ZNF197: variants seen among roughly 807,000 people sequenced by gnomAD.
ZNF197 encodes the protein VHL-associated KRAB-A domain-containing protein.
In ZNF197, 14 loss-of-function variants were observed where a neutral mutation model predicts 27.4. The observed-to-expected ratio is 0.51, with a 90% CI of 0.34 to 0.80. The LOEUF is 0.80. ZNF197 is among the 30% of genes least tolerant of loss of function. ZNF197 has a pLI of 0.02. For missense variants in ZNF197, 1,090 were observed against 1,222.6 expected (o/e 0.89, Z 1.62); for synonymous variants, 415 against 420.0 (o/e 0.99, Z 0.15).
Position 44,644,224 on chromosome 3 carries a change from C to G in ZNF197, c.*4C>G, listed in dbSNP as rs1559477081. The stretch of plus-strand genomic sequence containing the variant: ...GATTGAGATTCAGAAAATCTAGTGT[C>G]ATATGTAAAATGGAATAGAATCCCT... On this transcript the variant is annotated 3_prime_UTR_variant, in exon 6 of 6. Transcript: ENST00000344387. The G allele has an allele frequency of 6.3e-7, 1 of 1,575,474 alleles. No homozygotes were observed. Among genetic ancestry groups the G allele is most frequent in the Non-Finnish European group, 8.6e-7 (1 of 1,164,586 alleles).
At chr3:44,636,031 A>G (rs1311208734) in intron 5 of ZNF197, among the ~76,000 whole-genome samples, 2 of 152,204 alleles carry the variant, frequency 1.3e-5, no homozygotes, top group Non-Finnish European at 2.9e-5. Context: ...TTCGGCCGGC[A>G]TGGTGGCTCA....
At position 44,642,594 on chromosome 3, in the gene ZNF197, G is replaced by T. The variant is rs1197667335; in HGVS notation, c.1464G>T (p.Gly488=). Residue 488 remains glycine, a synonymous_variant, in exon 6 of 6, where the codon GGG becomes GGT. Coordinates refer to ENST00000344387, the MANE Select transcript of ZNF197 (RefSeq NM_006991.5). Reference sequence around the variant, plus strand: ...GACCTTATAAGTGTAATGAATGTGGGAAAGTCTTCTCTCAGAATGCTTACC... The same window carrying T: ...GACCTTATAAGTGTAATGAATGTGGTAAAGTCTTCTCTCAGAATGCTTACC... ...GERPYKCNEC[G]KVFSQNAYLI... is the part of the protein sequence containing the mutation. 6.2e-7 allele frequency: 1 copy of T among 1,614,088 alleles called. No homozygotes were observed. The highest frequency in any genetic ancestry group is 8.5e-7 in the Non-Finnish European group (1 of 1,180,006).
At chr3:44,639,807 G>A (rs1455560206) in intron 5 of ZNF197, among the ~76,000 whole-genome samples, 1 of 151,808 alleles carries the variant, frequency 6.6e-6, no homozygotes, top group Non-Finnish European at 1.5e-5. Flanking sequence ...GACATGTTTG[G>A]GCAGCTGCAT....
At chr3:44,636,127 ACCC>A in intron 5 of ZNF197, among the ~76,000 whole-genome samples, 1 of 152,012 alleles carries the variant, frequency 6.6e-6, no homozygotes, top group Admixed American at 6.5e-5. Context: ...ACACGGGGAA[ACCC>A]CGTCTCTACT....
chr3:44,634,270 A>C (rs1453622044), intron 5 of ZNF197, among the ~76,000 whole-genome samples: 1 of 152,180 alleles, frequency 6.6e-6, no homozygotes, highest in Non-Finnish European at 1.5e-5. Flanking sequence ...CTTCCTATAT[A>C]TAGAACTACT....
Position 44,645,292 on chromosome 3 carries a change from A to G in ZNF197, c.*1072A>G. 1.0e-6 allele frequency: 1 copy of G among 985,424 alleles called. No individual in the cohort carries two copies. The highest frequency in any genetic ancestry group is 1.2e-6 in the Non-Finnish European group (1 of 829,922). The allele number at this position is 985,424 out of a possible 1,614,324, so 61.0% of individuals were successfully genotyped here. On this transcript the variant is annotated 3_prime_UTR_variant, in exon 6 of 6. Coordinates refer to ENST00000344387, the MANE Select transcript of ZNF197 (RefSeq NM_006991.5). ...TTATGGTAAAAGTTTAGAACATGGG[A>G]TCATGTAAGTTTGTGTATTAAGTCA...
Position 44,629,018 on chromosome 3 carries a change from A to T in ZNF197, c.-81-56A>T, listed in dbSNP as rs971153974. 16 of 1,344,416 alleles carry T rather than the reference A, an allele frequency of 1.2e-5. No homozygotes were observed. In the African/African-American group the frequency reaches 1.9e-4, roughly 16 times the overall value. 83.3% of individuals were successfully genotyped at this position (1,344,416 alleles called of 1,614,324 possible). A position where few individuals can be genotyped will look rare whatever the true frequency, so the allele number is the denominator to read the frequency against. Reference sequence around the variant, plus strand: ...TGACTGGGAGCTGACTGGGGCCTGGAAAGCTCAGTTGTTTCTCTGGGCTAA... The same window carrying T: ...TGACTGGGAGCTGACTGGGGCCTGGTAAGCTCAGTTGTTTCTCTGGGCTAA... On this transcript the variant is annotated intron_variant, in intron 1 of 5. Coordinates refer to ENST00000344387, the MANE Select transcript of ZNF197 (RefSeq NM_006991.5).
At position 44,646,757 on chromosome 3, in the gene ZNF197, AC is replaced by A; in HGVS notation, c.*2538del. The A allele has an allele frequency of 2.1e-6, 1 of 474,692 alleles. No individual in the cohort carries two copies. The highest frequency in any genetic ancestry group is 3.7e-5 in the Admixed American group (1 of 26,902). 29.4% of individuals were successfully genotyped at this position (474,692 alleles called of 1,614,324 possible). A position where few individuals can be genotyped will look rare whatever the true frequency, so the allele number is the denominator to read the frequency against. On this transcript the variant is annotated 3_prime_UTR_variant, in exon 6 of 6. Transcript: ENST00000344387. ...AGGAGGCTTGTTTTTAAAAGATAAT[AC>A]TAGAGAGCCGTTAGGTACTAAGAAC... is the stretch of plus-strand genomic sequence containing the variant.
At position 44,645,457 on chromosome 3, in the gene ZNF197, T is replaced by C. The variant is rs1702903355; in HGVS notation, c.*1237T>C. 1 of 985,102 alleles carries C rather than the reference T, an allele frequency of 1.0e-6. No homozygotes were observed. The highest frequency in any genetic ancestry group is 1.7e-5 in the African/African-American group (1 of 57,226). The allele number at this position is 985,102 out of a possible 1,614,324, so 61.0% of individuals were successfully genotyped here. On this transcript the variant is annotated 3_prime_UTR_variant, in exon 6 of 6. Coordinates refer to ENST00000344387, the MANE Select transcript of ZNF197 (RefSeq NM_006991.5). The stretch of plus-strand genomic sequence containing the variant: ...CTTTAAAAATATCTGAGGGAGTTAC[T>C]AGATTATATATCTAGTTTATGTATA...
intron 2 of ZNF197, among the ~76,000 whole-genome samples, chr3:44,629,917 G>A (rs1261612509): frequency 1.3e-5 from 2 of 152,190 alleles, no homozygotes; most frequent in Non-Finnish European, 2.9e-5. Flanking sequence ...GGTGATGTAA[G>A]CCTAGAGTAT....
rs1702830916 is a variant in ZNF197 at position 44,644,413 on chromosome 3, TG to T, written c.*195del. The stretch of plus-strand genomic sequence containing the variant: ...CAGCACTTTGAGAGGCCGAAGCGAG[TG>T]GATCACCTGAGGTCAGGATTTTGAG... On this transcript the variant is annotated 3_prime_UTR_variant, in exon 6 of 6. Coordinates refer to ENST00000344387, the MANE Select transcript of ZNF197 (RefSeq NM_006991.5). The T allele has an allele frequency of 5.4e-6, 7 of 1,284,710 alleles. No homozygotes were observed. The highest frequency in any genetic ancestry group is 7.0e-6 in the Non-Finnish European group (7 of 1,005,186). The allele number at this position is 1,284,710 out of a possible 1,614,324, so 79.6% of individuals were successfully genotyped here.
At position 44,632,531 on chromosome 3, in the gene ZNF197, T is replaced by C; in HGVS notation, c.701T>C (p.Leu234Pro). ...TTCACTTCAGAGGAATGGGCATGTC[T>C]GGGCCCAATCCAGAGGGCCTTGTAC... The part of the protein sequence containing the change: ...VCFTSEEWAC[L>P]GPIQRALYWD... Residue 234 changes from leucine (L) to proline (P), a missense_variant, in exon 5 of 6, where the codon CTG (leucine) becomes CCG (proline). Transcript: ENST00000344387. 1 of 1,611,018 alleles carries C rather than the reference T, an allele frequency of 6.2e-7. No homozygotes were observed. The highest frequency in any genetic ancestry group is 8.5e-7 in the Non-Finnish European group (1 of 1,178,832).
chr3:44,635,965 G>C (rs1444895100), intron 5 of ZNF197, among the ~76,000 whole-genome samples: 1 of 152,148 alleles, frequency 6.6e-6, no homozygotes, highest in African/African-American at 2.4e-5. Flanking sequence ...ACAGTTCAGT[G>C]GTTATTGTGT....
rs1344107648 is a variant in ZNF197, at chr3:44,646,983, G to T, written c.*2763G>T. The stretch of plus-strand genomic sequence containing the variant: ...CATGCTCCTTAGAAGGAAAAAAAAT[G>T]TTAAATTGGACTTCATCAAAATTAA... On this transcript the variant is annotated 3_prime_UTR_variant, in exon 6 of 6. Transcript: ENST00000344387. The T allele has an allele frequency of 6.6e-6, 1 of 152,598 alleles. No homozygotes were observed. Among genetic ancestry groups the T allele is most frequent in the Non-Finnish European group, 1.5e-5 (1 of 68,406 alleles). The allele number at this position is 152,598 out of a possible 1,614,324, so 9.5% of individuals were successfully genotyped here.
intron 5 of ZNF197, among the ~76,000 whole-genome samples, chr3:44,636,059 G>A (rs990294381): frequency 2.0e-5 from 3 of 152,198 alleles, no homozygotes; most frequent in East Asian, 1.9e-4. Context: ...AATCCCAGCC[G>A]TTTGGGAGGC....
intron 5 of ZNF197, 47 bp downstream of exon 5, chr3:44,632,646 T>G: frequency 7.1e-7 from 1 of 1,407,202 alleles, no homozygotes; most frequent in Non-Finnish European, 9.3e-7. Flanking sequence ...TCACCAGCCT[T>G]TATTTGTTTT....
intron 1 of ZNF197, among the ~76,000 whole-genome samples, chr3:44,627,339 A>G (rs921891927): frequency 1.3e-5 from 2 of 152,210 alleles, no homozygotes; most frequent in African/African-American, 4.8e-5. Flanking sequence ...TCTCAAGAGC[A>G]GTAGTTAGAA....
In ZNF197 at chr3:44,629,508, G is replaced by A. The variant is rs1701862109; in HGVS notation, c.354G>A (p.Glu118=). 2 of 1,585,446 alleles carry A rather than the reference G, an allele frequency of 1.3e-6. No homozygotes were observed. The highest frequency in any genetic ancestry group is 8.6e-7 in the Non-Finnish European group (1 of 1,167,582). Residue 118 remains glutamate, a synonymous_variant, in exon 2 of 6, where the codon GAG becomes GAA. Transcript: ENST00000344387. The stretch of plus-strand genomic sequence containing the variant: ...GCGAGGAGGCTGTGGCCCTGGTAGA[G>A]GAGCTGCAGAAAGACCTTGATGGAC... ...GSGEEAVALV[E]ELQKDLDGPA...
rs1401694723 is a variant in ZNF197 at position 44,631,141 on chromosome 3, C to T, written c.470C>T (p.Pro157Leu). Residue 157 changes from proline to leucine, a missense_variant, in exon 3 of 6, where the codon CCT (proline) becomes CTT (leucine). Transcript: ENST00000344387. Reference sequence around the variant, plus strand: ...GGAACAACACTTCCTCCTGTACTTCCTGGCAGCCACATAGCAGCTGAAATT... The same window carrying T: ...GGAACAACACTTCCTCCTGTACTTCTTGGCAGCCACATAGCAGCTGAAATT... Reference protein sequence around the residue: ...APGTTLPPVLPGSHIAAEICP... With the variant: ...APGTTLPPVLLGSHIAAEICP... 6.2e-7 allele frequency: 1 copy of T among 1,614,034 alleles called. No individual in the cohort carries two copies. The highest frequency in any genetic ancestry group is 8.5e-7 in the Non-Finnish European group (1 of 1,180,028).
Sources: allele counts gnomAD v4.1 joint callset (sites outside exome capture counted in the v4.1 genomes callset), GRCh38; gene constraint gnomAD v4.1.1; transcripts MANE v1.5; gene names NCBI Gene and HGNC (gene_info 2026-07-23, HGNC 2026-07-21).